The following SLC5A6 variants were observed in gnomAD, a reference collection of about 807,000 sequenced individuals.
SLC5A6 encodes the protein solute carrier family 5 member 6, also known as sodium-dependent multivitamin transporter.
SLC5A6 carries 31 observed loss-of-function variants against 67.9 expected under a neutral mutation model. The observed-to-expected ratio is 0.46, with a 90% confidence interval of 0.34 to 0.62. The LOEUF is 0.62. Among genes scored for constraint, SLC5A6 ranks in the 20% least tolerant of loss-of-function variants. The pLI is 0.01. For missense variants in SLC5A6, 673 were observed against 812.8 expected, an observed-to-expected ratio of 0.83 and a Z score of 2.09; for synonymous variants, 343 against 331.0, an observed-to-expected ratio of 1.04 and a Z score of -0.39.
Position 27,207,151 on chromosome 2 carries a change from C to G in SLC5A6, c.393+107G>C. On this transcript the variant is annotated intron_variant, in intron 3 of 16. Coordinates refer to ENST00000310574, the MANE Select transcript of SLC5A6 (RefSeq NM_021095.4). The surrounding 1 kb of genome is among the most constrained non-coding windows in gnomAD (Gnocchi z 5.5). The stretch of plus-strand genomic sequence containing the variant: ...AACACACAATGAGTTTTCTGTCCCT[C>G]TCATTAGGTGGAGGAGGTCTAGGGT... The G allele has an allele frequency of 8.1e-7, 1 of 1,235,850 alleles. No individual in the cohort carries two copies. Among genetic ancestry groups the G allele is most frequent in the Non-Finnish European group, 1.2e-6 (1 of 861,992 alleles). 76.6% of individuals were successfully genotyped at this position (1,235,850 alleles called of 1,614,324 possible).
At chr2:27,211,834 C>G in intron 1 of SLC5A6, 186 bp downstream of exon 1, 1 of 200,746 alleles carries the variant, frequency 5.0e-6, no homozygotes, top group Non-Finnish European at 9.7e-6. Context: ...GCCCCCTTGT[C>G]CCCGCCCCGG....
At chr2:27,211,640 G>C (rs564321020) in intron 1 of SLC5A6, 107 bp from the exon 2 acceptor site, 2 of 154,954 alleles carry the variant, frequency 1.3e-5, no homozygotes, top group Admixed American at 6.5e-5. Flanking sequence ...AGAGGACTAG[G>C]TGCCCGGGGC....
At chr2:27,210,717 C>G (rs1248775829) in intron 2 of SLC5A6, among the ~76,000 whole-genome samples, 4 of 151,780 alleles carry the variant, frequency 2.6e-5, no homozygotes, top group Non-Finnish European at 1.5e-5. Flanking sequence ...GCCTGGCCAC[C>G]GCGCCAGGCC....
chr2:27,201,840 A>G lies in SLC5A6; in HGVS notation c.1370T>C (p.Val457Ala). 1 of 1,614,016 alleles carries G rather than the reference A, an allele frequency of 6.2e-7. No homozygotes were observed. The highest frequency in any genetic ancestry group is 8.5e-7 in the Non-Finnish European group (1 of 1,179,898). Reference protein sequence around the residue: ...FFPCANPPGAVVGLLAGLVMA... With the variant: ...FFPCANPPGAAVGLLAGLVMA... ...GACGAGCCCAGCCAACAGGCCCACA[A>G]CAGCACCCTGCCGAGACACAGTGCA... The change falls in exon 14 of 17, where the codon GTT (valine) becomes GCT (alanine). Residue 457 changes from valine to alanine, a missense_variant. Transcript: ENST00000310574.
rs1360784910 is a variant in SLC5A6 at position 27,201,048 on chromosome 2, G to A, written c.1714C>T (p.Leu572Phe). The A allele has an allele frequency of 1.2e-6, 2 of 1,613,902 alleles. No individual in the cohort carries two copies. The highest frequency in any genetic ancestry group is 1.7e-4 in the Middle Eastern group (1 of 6,058). Reference protein sequence around the residue: ...IYPVLPKLLSLLPLSCQKRLH... With the variant: ...IYPVLPKLLSFLPLSCQKRLH... ...CGCTTCTGACAGGACAACGGAAGGAGGGACAGGAGCTTTGGCAACACTGGG... is the reference window on the plus strand; with the variant it reads ...CGCTTCTGACAGGACAACGGAAGGAAGGACAGGAGCTTTGGCAACACTGGG... The change falls in exon 16 of 17, where the codon CTC (leucine) becomes TTC (phenylalanine). Residue 572 changes from leucine (L) to phenylalanine (F), a missense_variant. Physicochemically the swap from Leu to Phe is conservative, Grantham distance 22. Transcript: ENST00000310574.
intron 2 of SLC5A6, among the ~76,000 whole-genome samples, chr2:27,209,390 A>G (rs545754566): frequency 1.3e-5 from 2 of 152,332 alleles, no homozygotes; most frequent in East Asian, 3.9e-4. Context: ...TGCTTTATAA[A>G]CATTAGTAAT....
At chr2:27,200,673 C>G (rs1673551315) in intron 16 of SLC5A6, 94 bp from the exon 17 acceptor site, 1 of 1,351,620 alleles carries the variant, frequency 7.4e-7, no homozygotes, top group South Asian at 1.4e-5. Flanking sequence ...CAGAAGGGAG[C>G]CCAGCAAGGC....
In SLC5A6 at chr2:27,201,717, T is replaced by C. The variant is rs1446854507; in HGVS notation, c.1493A>G (p.Asn498Ser). Reference sequence around the variant, plus strand: ...TGTGGTCACAGTGGCAACGGTTAGATTGGTGGGCAGGGAGAAGCTGGACCC... The same window carrying C: ...TGTGGTCACAGTGGCAACGGTTAGACTGGTGGGCAGGGAGAAGCTGGACCC... ...SNGSSFSLPT[N>S]LTVATVTTLM... The change falls in exon 14 of 17, where the codon AAT becomes AGT. Residue 498 changes from asparagine (N) to serine (S), a missense_variant. Coordinates refer to ENST00000310574, the MANE Select transcript of SLC5A6 (RefSeq NM_021095.4). 8 of 1,613,984 alleles carry C rather than the reference T, an allele frequency of 5.0e-6. No individual in the cohort carries two copies. The Admixed American group carries it at 6.7e-5, about 13-fold the overall frequency.
chr2:27,205,581 G>A, intron 6 of SLC5A6, 77 bp from the exon 7 acceptor site: 1 of 1,537,268 alleles, frequency 6.5e-7, no homozygotes, highest in Non-Finnish European at 8.9e-7. Flanking sequence ...TTTTGTTGTT[G>A]CTCCATTTTG....
rs1470419012 is a variant in SLC5A6 at position 27,200,560 on chromosome 2, A to G, written c.1784T>C (p.Leu595Pro). ...SYGQDHLDTGLFPEKPRNGVL... is the reference protein window; with the variant it reads ...SYGQDHLDTGPFPEKPRNGVL... ...ACCATTCCTCGGCTTCTCAGGAAAC[A>G]GGCCAGTGTCGAGGTGGTCCTGCAA... The change falls in exon 17 of 17, where the codon CTG (leucine) becomes CCG (proline). Residue 595 changes from leucine (L) to proline (P), a missense_variant. By Grantham distance (98) the Leu-to-Pro change is moderately conservative (BLOSUM62 -3). Coordinates refer to ENST00000310574, the MANE Select transcript of SLC5A6 (RefSeq NM_021095.4). The G allele has an allele frequency of 7.4e-6, 12 of 1,613,264 alleles. No individual in the cohort carries two copies. The highest frequency in any genetic ancestry group is 9.3e-6 in the Non-Finnish European group (11 of 1,179,606).
intron 2 of SLC5A6, among the ~76,000 whole-genome samples, chr2:27,210,096 G>A (rs1365604713): frequency 2.0e-5 from 3 of 152,190 alleles, no homozygotes; most frequent in Middle Eastern, 3.2e-3. Flanking sequence ...TAGAGAGGTA[G>A]GTGGCCAGAG....
At position 27,200,508 on chromosome 2, in the gene SLC5A6, C is replaced by T. The variant is rs1208783827; in HGVS notation, c.1836G>A (p.Glu612=). The change falls in exon 17 of 17, where the codon GAG becomes GAA. Residue 612 remains glutamate (E), a synonymous_variant. Transcript: ENST00000310574. ...NGVLGDSRDK[E]AMALDGTAYQ... Reference sequence around the variant, plus strand: ...AGGCTGTGCCATCCAGGGCCATGGCCTCCTTGTCTCTGCTGTCCCCCAGCA... The same window carrying T: ...AGGCTGTGCCATCCAGGGCCATGGCTTCCTTGTCTCTGCTGTCCCCCAGCA... The T allele has an allele frequency of 3.1e-6, 5 of 1,613,976 alleles. No homozygotes were observed. In the Admixed American group the frequency reaches 6.7e-5, roughly 22 times the overall value.
rs934696982 is a variant in SLC5A6, at chr2:27,207,271, G to A, written c.380C>T (p.Thr127Ile). 7 of 1,613,778 alleles carry A rather than the reference G, an allele frequency of 4.3e-6. No homozygotes were observed. Among genetic ancestry groups the A allele is most frequent in the Non-Finnish European group, 5.1e-6 (6 of 1,180,014 alleles). ...FIPVFYRLHL[T>I]SAYEYLELRF... Reference sequence around the variant, plus strand: ...GTCCCTGCTCACCTCATAGGCACTGGTGAGATGCAGGCGGTAGAAAACGGG... The same window carrying A: ...GTCCCTGCTCACCTCATAGGCACTGATGAGATGCAGGCGGTAGAAAACGGG... The change falls in exon 3 of 17, where the codon ACC becomes ATC. Residue 127 changes from threonine (T) to isoleucine (I), a missense_variant. Transcript: ENST00000310574. This position sits in a 1 kb window ranked among gnomAD's most constrained non-coding sequence, Gnocchi z 5.5.
At position 27,203,332 on chromosome 2, in the gene SLC5A6, C is replaced by A; in HGVS notation, c.1108G>T (p.Ala370Ser). 6.2e-7 allele frequency: 1 copy of A among 1,614,070 alleles called. No homozygotes were observed. The highest frequency in any genetic ancestry group is 8.5e-7 in the Non-Finnish European group (1 of 1,180,002). ...GTAACAGTTGCCAATGAATTAAAAG[C>A]AGAGGATATAGTGCTGAAAAAGAGG... ...FSGSLSTISS[A>S]FNSLATVTME... Residue 370 changes from alanine (A) to serine (S), a missense_variant, in exon 11 of 17, where the codon GCT becomes TCT. Ala to Ser is a moderately conservative substitution (Grantham distance 99). Coordinates refer to ENST00000310574, the MANE Select transcript of SLC5A6 (RefSeq NM_021095.4).
Position 27,201,096 on chromosome 2 carries a change from A to G in SLC5A6, c.1666T>C (p.Ser556Pro), listed in dbSNP as rs1450093981. ...SLLTGRMRGR[S>P]LNPATIYPVL... ...GGGTAAATGGTTGCAGGGTTCAGGG[A>G]CCGGCCTCGCATTCTCCCTGAATGG... Residue 556 changes from serine to proline, a missense_variant, in exon 16 of 17, where the codon TCC (serine) becomes CCC (proline). Transcript: ENST00000310574. 2 of 1,613,150 alleles carry G rather than the reference A, an allele frequency of 1.2e-6. No individual in the cohort carries two copies. The highest frequency in any genetic ancestry group is 1.7e-6 in the Non-Finnish European group (2 of 1,179,346).
chr2:27,201,173 G>A, intron 15 of SLC5A6, 60 bp from the exon 16 acceptor site: 1 of 1,325,590 alleles, frequency 7.5e-7, no homozygotes, highest in South Asian at 1.3e-5. Flanking sequence ...CGGGCCCCAT[G>A]TCCTCCCTTG....
At position 27,212,005 on chromosome 2, in the gene SLC5A6, T is replaced by C. The variant is rs375979560; in HGVS notation, c.-208+15A>G. 39 of 476,178 alleles carry C rather than the reference T, an allele frequency of 8.2e-5. No homozygotes were observed. The highest frequency in any genetic ancestry group is 5.8e-4 in the East Asian group (12 of 20,732). 29.5% of individuals were successfully genotyped at this position (476,178 alleles called of 1,614,324 possible). A position where few individuals can be genotyped will look rare whatever the true frequency, so the allele number is the denominator to read the frequency against. The stretch of plus-strand genomic sequence containing the variant: ...CGCCCCCTGCCCGCCCCGCTCGCCG[T>C]GCCGCCATGTTTACTGAGGGCGGAT... On this transcript the variant is annotated intron_variant, in intron 1 of 16. Transcript: ENST00000310574.
At position 27,201,414 on chromosome 2, in the gene SLC5A6, T is replaced by C. The variant is rs1673625467; in HGVS notation, c.1584A>G (p.Leu528=). ...GLQRFYSLSY[L]WYSAHNSTTV... is the part of the protein sequence containing the mutation. ...TGGTGGAGTTGTGAGCACTGTACCA[T>C]AAGTAAGACAAGGAATAGAACCGCT... The change falls in exon 15 of 17, where the codon TTA becomes TTG. Residue 528 remains leucine, a synonymous_variant. Transcript: ENST00000310574. The C allele has an allele frequency of 6.2e-7, 1 of 1,613,452 alleles. No homozygotes were observed. Among genetic ancestry groups the C allele is most frequent in the Non-Finnish European group, 8.5e-7 (1 of 1,179,532 alleles).
intron 2 of SLC5A6, among the ~76,000 whole-genome samples, chr2:27,210,204 G>A (rs763550380): frequency 6.6e-6 from 1 of 152,180 alleles, no homozygotes; most frequent in African/African-American, 2.4e-5. Context: ...ATGATGTATG[G>A]AGAATTCCCC....
Sources: gnomAD v4.1 joint callset for allele counts (sites outside exome capture counted in the v4.1 genomes callset) on GRCh38, gnomAD v4.1.1 for gene constraint, Gnocchi (gnomAD v3.1) non-coding constraint, MANE v1.5 for transcripts, NCBI Gene and HGNC (gene_info 2026-07-23, HGNC 2026-07-21) for gene names.